Variants in SNX29 observed in about 807,000 individuals in gnomAD.
The protein encoded by SNX29 is sorting nexin-29.
In SNX29, 78 loss-of-function variants were observed where a neutral mutation model predicts 102.1. That is an observed-to-expected ratio of 0.76 (90% CI 0.64 to 0.92). The LOEUF (loss-of-function observed/expected upper bound fraction) is 0.92. Ranked by LOEUF, SNX29 falls within the 40% of genes least tolerant of loss-of-function variation. The probability of loss-of-function intolerance (pLI) is 0.00; values close to 1 mark genes in which losing one functional copy is unlikely to be tolerated. For synonymous variants in SNX29, 580 were observed against 414.5 expected (o/e 1.40, Z -4.85); for missense variants, 1,280 against 1,061.7 (o/e 1.21, Z -2.86).
At chr16:12,046,806 A>T (rs1312227646) in intron 6 of SNX29, among the ~76,000 whole-genome samples, 2 of 152,032 alleles carry the variant, frequency 1.3e-5, no homozygotes, top group Non-Finnish European at 2.9e-5. Flanking sequence ...TTTAATAGAG[A>T]TAGAGTTTCA....
At position 12,422,001 on chromosome 16, in the gene SNX29, T is replaced by C. The variant is rs567215370; in HGVS notation, c.2037+18472T>C. Among the ~76,000 whole-genome samples, 3 of 152,242 alleles carry C rather than the reference T, an allele frequency of 2.0e-5. No homozygotes were observed. In the East Asian group the frequency reaches 5.8e-4, roughly 29 times the overall value. ...ATCTATCCATCACCATCATCAGCCA[T>C]CCATCCCTTTCATCGTCAGCCATCC... is the stretch of plus-strand genomic sequence containing the variant. On this transcript the variant is annotated intron_variant, in intron 18 of 20. Coordinates refer to ENST00000566228, the MANE Select transcript of SNX29 (RefSeq NM_032167.5).
rs147161606 is a variant in SNX29 at position 12,553,907 on chromosome 16, G to C, written c.2319-14599G>C. On this transcript the variant is annotated intron_variant, in intron 20 of 20. Coordinates refer to ENST00000566228, the MANE Select transcript of SNX29 (RefSeq NM_032167.5). ...TGCCTAGGCTGGAGTGCAGTGGCAT[G>C]ATCTCCGCCTCCTGGGTTCAAGCAA... Among the ~76,000 whole-genome samples the C allele has an allele frequency of 3.9e-3, 593 of 151,830 alleles. 2 individuals are homozygous for C. The highest frequency in any genetic ancestry group is 0.013 in the African/African-American group (523 of 41,396).
chr16:12,062,650 C>T (rs12920944), intron 9 of SNX29, among the ~76,000 whole-genome samples: 2,049 of 152,232 alleles, frequency 0.013, 27 homozygotes, highest in Middle Eastern at 0.037. Context: ...CTTGGCCCAA[C>T]CTTCTTAGGC....
intron 14 of SNX29, among the ~76,000 whole-genome samples, chr16:12,207,303 A>C (rs2077068861): frequency 6.6e-6 from 1 of 152,214 alleles, no homozygotes; most frequent in African/African-American, 2.4e-5. Context: ...TGGGAGGCAG[A>C]GGCTGCAGTG....
At chr16:12,530,729 T>C (rs1442398713) in intron 20 of SNX29, among the ~76,000 whole-genome samples, 2 of 152,142 alleles carry the variant, frequency 1.3e-5, no homozygotes, top group East Asian at 3.8e-4. Context: ...CTAATTTTTG[T>C]ATTTTTAGTA....
intron 20 of SNX29, among the ~76,000 whole-genome samples, chr16:12,541,749 C>G (rs2077352572): frequency 6.6e-6 from 1 of 152,108 alleles, no homozygotes; most frequent in African/African-American, 2.4e-5. Flanking sequence ...ACTGTGCCAG[C>G]CAGTGCCTGA....
At chr16:12,560,330 T>G (rs1203833422) in intron 20 of SNX29, among the ~76,000 whole-genome samples, 2 of 152,036 alleles carry the variant, frequency 1.3e-5, no homozygotes, top group Non-Finnish European at 2.9e-5. Context: ...TAATGCTGGG[T>G]TTACCGAAGG....
intron 19 of SNX29, among the ~76,000 whole-genome samples, chr16:12,499,975 C>G (rs1353625465): frequency 6.6e-6 from 1 of 151,982 alleles, no homozygotes; most frequent in Non-Finnish European, 1.5e-5. Flanking sequence ...TGGTGCCCAG[C>G]CTGCATTTAT....
intron 14 of SNX29, among the ~76,000 whole-genome samples, chr16:12,266,920 C>T (rs993339914): frequency 3.3e-5 from 5 of 152,020 alleles, no homozygotes; most frequent in South Asian, 2.1e-4. Flanking sequence ...CCCGCCACCA[C>T]GCCTGGCTAA....
At chr16:12,375,317 A>T (rs1297629944) in intron 16 of SNX29, 2 of 152,386 alleles carry the variant, frequency 1.3e-5, no homozygotes, top group Non-Finnish European at 2.9e-5. Context: ...GCTAAAAGGT[A>T]CAATTTAGTG....
At chr16:12,430,401 T>G (rs909888160) in intron 18 of SNX29, among the ~76,000 whole-genome samples, 2 of 152,202 alleles carry the variant, frequency 1.3e-5, no homozygotes, top group Non-Finnish European at 2.9e-5. Context: ...TTGCTGTGTT[T>G]TCTTCTCCAA....
chr16:12,566,983 G>A (rs966264943), intron 20 of SNX29, among the ~76,000 whole-genome samples: 4 of 152,242 alleles, frequency 2.6e-5, no homozygotes, highest in Admixed American at 6.5e-5. Context: ...CAGTGGCCAT[G>A]TCCCTGGAAA....
chr16:12,177,444 C>G (rs1370239632), intron 13 of SNX29, among the ~76,000 whole-genome samples: 1 of 152,162 alleles, frequency 6.6e-6, no homozygotes, highest in Admixed American at 6.5e-5. Flanking sequence ...TGACTAGGTC[C>G]TCATGACCCT....
chr16:12,026,998 TTTTTAAC>T (rs1386552603), intron 3 of SNX29, among the ~76,000 whole-genome samples: 2 of 152,058 alleles, frequency 1.3e-5, no homozygotes, highest in African/African-American at 4.8e-5. Flanking sequence ...AACTGATTGG[TTTTTAAC>T]TTTTCCCCCC....
intron 18 of SNX29, among the ~76,000 whole-genome samples, chr16:12,406,410 T>C (rs1261671171): frequency 1.3e-5 from 2 of 152,226 alleles, no homozygotes; most frequent in Non-Finnish European, 2.9e-5. Context: ...AATCCCCATC[T>C]ACATTCCCGT....
intron 11 of SNX29, among the ~76,000 whole-genome samples, chr16:12,107,385 G>C (rs910603671): frequency 1.4e-5 from 2 of 146,748 alleles, no homozygotes; most frequent in African/African-American, 2.5e-5. Flanking sequence ...AAGAATTTAA[G>C]ACCTGGTGCG....
intron 20 of SNX29, among the ~76,000 whole-genome samples, chr16:12,547,095 A>C (rs1368123125): frequency 6.6e-6 from 1 of 152,216 alleles, no homozygotes; most frequent in Non-Finnish European, 1.5e-5. Flanking sequence ...TGAGGTGGCG[A>C]TTTCCAGTGA....
At chr16:12,156,890 CA>C (rs1317783731) in intron 13 of SNX29, among the ~76,000 whole-genome samples, 17 of 152,074 alleles carry the variant, frequency 1.1e-4, no homozygotes, top group African/African-American at 3.9e-4. Context: ...GACCAAGGAC[CA>C]GGGGGCATTT....
intron 13 of SNX29, among the ~76,000 whole-genome samples, chr16:12,185,273 G>A (rs2076483045): frequency 6.6e-6 from 1 of 152,290 alleles, no homozygotes; most frequent in South Asian, 2.1e-4. Context: ...TGGGGGAACT[G>A]GAGGGTACTT....
Sources: gnomAD v4.1 joint callset for allele counts (sites outside exome capture counted in the v4.1 genomes callset) on GRCh38, gnomAD v4.1.1 for gene constraint, MANE v1.5 for transcripts, NCBI Gene and HGNC (gene_info 2026-07-23, HGNC 2026-07-21) for gene names.